Variants in NR3C2 observed in about 807,000 individuals in gnomAD.
NR3C2 encodes the protein mineralocorticoid receptor.
NR3C2 carries 15 observed loss-of-function variants against 86.4 expected under a neutral mutation model. The ratio of observed to expected loss-of-function variants is 0.17; its 90% CI spans 0.12 to 0.27. NR3C2 has a LOEUF of 0.27. Ranked by LOEUF, NR3C2 falls within the 10% of genes least tolerant of loss-of-function variation. The pLI is 1.00. For missense variants in NR3C2, 960 were observed against 1,195.6 expected (o/e 0.80, Z 2.91); for synonymous variants, 458 against 450.5 (o/e 1.02, Z -0.21).
intron 2 of NR3C2, among the ~76,000 whole-genome samples, chr4:148,366,480 T>TTTTAAAAAATA (rs1561066887): frequency 9.8e-4 from 19 of 19,368 alleles, no homozygotes; most frequent in African/African-American, 3.9e-3. Flanking sequence ...TAAAAAGTAC[T>TTTTAAAAAATA]CAGCACTTTT....
chr4:148,371,162 G>T (rs751749431), intron 2 of NR3C2, among the ~76,000 whole-genome samples: 2 of 152,088 alleles, frequency 1.3e-5, no homozygotes, highest in Non-Finnish European at 2.9e-5. Context: ...CCATCACCTC[G>T]AGCATTTATT....
intron 8 of NR3C2, among the ~76,000 whole-genome samples, chr4:148,112,600 G>A (rs906402175): frequency 6.6e-5 from 10 of 152,116 alleles, no homozygotes; most frequent in African/African-American, 2.2e-4. Context: ...TTTCCACTAA[G>A]TCACACTCTT....
At chr4:148,160,800 C>T (rs1249797966) in intron 4 of NR3C2, among the ~76,000 whole-genome samples, 1 of 152,190 alleles carries the variant, frequency 6.6e-6, no homozygotes, top group Non-Finnish European at 1.5e-5. Flanking sequence ...CCACCACCAA[C>T]TATCTTCTTT....
chr4:148,170,053 C>T (rs759756576), intron 4 of NR3C2, among the ~76,000 whole-genome samples: 9 of 152,166 alleles, frequency 5.9e-5, no homozygotes, highest in Non-Finnish European at 7.4e-5. Flanking sequence ...ACCATGGTTT[C>T]TCAACTTCAT....
intron 3 of NR3C2, among the ~76,000 whole-genome samples, chr4:148,244,206 C>T (rs910846770): frequency 1.8e-4 from 28 of 152,170 alleles, no homozygotes; most frequent in African/African-American, 6.8e-4. Context: ...CGCCCTTTAT[C>T]TTAGTGTACA....
chr4:148,218,424 A>G (rs1368180178), intron 3 of NR3C2, among the ~76,000 whole-genome samples: 2 of 152,180 alleles, frequency 1.3e-5, no homozygotes, highest in Admixed American at 6.5e-5. Flanking sequence ...ACATAAACAC[A>G]TATTATCTTA....
intron 2 of NR3C2, among the ~76,000 whole-genome samples, chr4:148,292,104 CT>C (rs756368405): frequency 7.4e-5 from 11 of 148,156 alleles, no homozygotes; most frequent in Admixed American, 6.8e-5. Context: ...GATTGTATTT[CT>C]TTTTTTTTTA....
chr4:148,095,971 AG>A (rs1417088649), intron 8 of NR3C2, among the ~76,000 whole-genome samples: 2 of 152,248 alleles, frequency 1.3e-5, no homozygotes, highest in Non-Finnish European at 2.9e-5. Context: ...ATCTCTGGTC[AG>A]GGGTGAATAT....
chr4:148,192,760 G>A (rs1189589350), intron 4 of NR3C2, among the ~76,000 whole-genome samples: 7 of 152,014 alleles, frequency 4.6e-5, no homozygotes, highest in Non-Finnish European at 7.4e-5. Context: ...AAGGAAGTGG[G>A]GGAAAGCCGG....
intron 2 of NR3C2, among the ~76,000 whole-genome samples, chr4:148,352,696 C>T (rs1745353560): frequency 1.3e-5 from 2 of 152,258 alleles, no homozygotes; most frequent in African/African-American, 4.8e-5. Flanking sequence ...CAATGAAACC[C>T]AGTAGAGAGC....
intron 2 of NR3C2, among the ~76,000 whole-genome samples, chr4:148,301,090 T>A (rs1328392950): frequency 6.6e-6 from 1 of 152,176 alleles, no homozygotes; most frequent in Non-Finnish European, 1.5e-5. Flanking sequence ...CATGCTTTCC[T>A]ACCCTTGCTC....
chr4:148,143,947 CA>C (rs67177081), intron 6 of NR3C2, among the ~76,000 whole-genome samples: 822 of 64,396 alleles, frequency 0.013, 5 homozygotes, highest in African/African-American at 0.05. Context: ...AACTCTGTCT[CA>C]AAAAAAAAAA....
At chr4:148,106,308 G>A (rs1211191107) in intron 8 of NR3C2, among the ~76,000 whole-genome samples, 2 of 152,168 alleles carry the variant, frequency 1.3e-5, no homozygotes, top group African/African-American at 4.8e-5. Context: ...TCTTACAAGG[G>A]ATGTGAAGGA....
intron 6 of NR3C2, among the ~76,000 whole-genome samples, chr4:148,129,181 T>C (rs2149740881): frequency 6.6e-6 from 1 of 152,322 alleles, no homozygotes; most frequent in South Asian, 2.1e-4. Flanking sequence ...CAGTGGGACA[T>C]TATTGAGTCT....
chr4:148,289,213 C>T (rs761294112), intron 2 of NR3C2, among the ~76,000 whole-genome samples: 1 of 142,652 alleles, frequency 7.0e-6, no homozygotes, highest in Non-Finnish European at 1.5e-5. Context: ...AAGATGACTA[C>T]TGAAATATTT....
At chr4:148,348,134 T>C (rs888068925) in intron 2 of NR3C2, among the ~76,000 whole-genome samples, 16 of 152,116 alleles carry the variant, frequency 1.1e-4, no homozygotes, top group African/African-American at 3.9e-4. Context: ...CTCTGGAGAA[T>C]TTGAGAGACT....
chr4:148,318,275 T>C (rs1004981401), intron 2 of NR3C2, among the ~76,000 whole-genome samples: 6 of 151,710 alleles, frequency 4.0e-5, no homozygotes, highest in Non-Finnish European at 7.4e-5. Flanking sequence ...CAGTCTATCA[T>C]TGTTGGACAT....
At chr4:148,084,953 A>G (rs1023455923) in intron 8 of NR3C2, among the ~76,000 whole-genome samples, 26 of 152,188 alleles carry the variant, frequency 1.7e-4, no homozygotes, top group African/African-American at 6.3e-4. Context: ...AGAAGTGCTA[A>G]CTATCCTAAA....
chr4:148,194,721 A>G (rs1736359297), intron 4 of NR3C2, 25 bp downstream of exon 4: 1 of 1,512,876 alleles, frequency 6.6e-7, no homozygotes, highest in Non-Finnish European at 9.1e-7. Context: ...AACAATTTTT[A>G]TTAAACTAAA....
Sources: gnomAD v4.1 joint callset for allele counts (sites outside exome capture counted in the v4.1 genomes callset) on GRCh38, gnomAD v4.1.1 for gene constraint, MANE v1.5 for transcripts, NCBI Gene and HGNC (gene_info 2026-07-23, HGNC 2026-07-21) for gene names.